Variants in CNIH3 observed in about 807,000 individuals in gnomAD.
The protein encoded by CNIH3 is cornichon family AMPA receptor auxiliary protein 3.
Under a neutral mutation model 24.1 loss-of-function variants are expected in CNIH3, and 14 were observed. That is an observed-to-expected ratio of 0.58 (90% CI 0.38 to 0.91). CNIH3 has a LOEUF of 0.91. Among genes scored for constraint, CNIH3 ranks in the 40% least tolerant of loss-of-function variants. CNIH3 has a pLI of 0.00. For synonymous variants in CNIH3, 68 were observed against 73.8 expected, an observed-to-expected ratio of 0.92 and a Z score of 0.40; for missense variants, 178 against 196.8, an observed-to-expected ratio of 0.90 and a Z score of 0.57.
intron 1 of CNIH3, among the ~76,000 whole-genome samples, chr1:224,657,579 T>A (rs1685158689): frequency 1.3e-5 from 2 of 152,166 alleles, no homozygotes; most frequent in Admixed American, 1.3e-4. Context: ...TAATAAAAAA[T>A]TATTTCAGTC....
chr1:224,619,857 T>C (rs1683197595), intron 1 of CNIH3, among the ~76,000 whole-genome samples: 1 of 152,242 alleles, frequency 6.6e-6, no homozygotes, highest in African/African-American at 2.4e-5. Context: ...GGCTGTAAGA[T>C]ATGAAGATGG....
chr1:224,495,190 C>T (rs924726636), intron 1 of CNIH3, among the ~76,000 whole-genome samples: 2 of 152,172 alleles, frequency 1.3e-5, no homozygotes, highest in Non-Finnish European at 2.9e-5. Context: ...CAATGAGCCT[C>T]CTCATGTAAG....
chr1:224,643,937 G>C (rs1377638445), intron 1 of CNIH3, among the ~76,000 whole-genome samples: 1 of 152,194 alleles, frequency 6.6e-6, no homozygotes, highest in Non-Finnish European at 1.5e-5. Context: ...GCTCAGACCA[G>C]TTGAGGCCAT....
At chr1:224,498,773 G>T (rs1677537805) in intron 1 of CNIH3, among the ~76,000 whole-genome samples, 1 of 152,240 alleles carries the variant, frequency 6.6e-6, no homozygotes, top group Non-Finnish European at 1.5e-5. Flanking sequence ...GATGCGGGGG[G>T]CAAGGAACCT....
intron 5 of CNIH3, among the ~76,000 whole-genome samples, chr1:224,584,433 G>A (rs564606304): frequency 1.3e-5 from 2 of 152,232 alleles, no homozygotes; most frequent in Admixed American, 6.5e-5. Flanking sequence ...TTTGTTTGGG[G>A]GCTAGAAAAA....
chr1:224,654,341 C>T (rs1685001294), intron 1 of CNIH3, among the ~76,000 whole-genome samples: 1 of 152,158 alleles, frequency 6.6e-6, no homozygotes, highest in South Asian at 2.1e-4. Context: ...AAGGTCACAC[C>T]ACTGCACTCC....
At chr1:224,736,066 C>G (rs1689576666) in intron 5 of CNIH3, among the ~76,000 whole-genome samples, 1 of 152,116 alleles carries the variant, frequency 6.6e-6, no homozygotes, top group Non-Finnish European at 1.5e-5. Flanking sequence ...TCCTGAATTC[C>G]AGCTATTAGT....
At chr1:224,603,587 TCTGAGTG>T (rs1381555366) in intron 3 of CNIH3, among the ~76,000 whole-genome samples, 7 of 152,212 alleles carry the variant, frequency 4.6e-5, no homozygotes, top group African/African-American at 1.7e-4. Flanking sequence ...AACAGTGAAC[TCTGAGTG>T]CCATTTGCAT....
intron 3 of CNIH3, among the ~76,000 whole-genome samples, chr1:224,723,526 C>A (rs1215353596): frequency 6.6e-6 from 1 of 152,166 alleles, no homozygotes; most frequent in Non-Finnish European, 1.5e-5. Flanking sequence ...GGAGAGAAAG[C>A]CCCTCTGGGG....
intron 1 of CNIH3, among the ~76,000 whole-genome samples, chr1:224,476,538 C>T (rs1052526278): frequency 2.6e-5 from 4 of 152,154 alleles, no homozygotes; most frequent in South Asian, 2.1e-4. Flanking sequence ...GCACTGGCAG[C>T]GAGCTGCACT....
intron 5 of CNIH3, 114 bp from the exon 6 acceptor site, chr1:224,739,215 C>T: frequency 6.6e-7 from 1 of 1,508,312 alleles, no homozygotes; most frequent in Non-Finnish European, 8.8e-7. Flanking sequence ...AGGGAGAAGC[C>T]AAGGGGTCTG....
chr1:224,666,242 C>G (rs1296413153), intron 1 of CNIH3, among the ~76,000 whole-genome samples: 37 of 152,244 alleles, frequency 2.4e-4, no homozygotes, highest in Non-Finnish European at 1.5e-5. Flanking sequence ...ATGGACCTTT[C>G]TCTGAGCATG....
chr1:224,726,186 A>G (rs1689015859), intron 3 of CNIH3, among the ~76,000 whole-genome samples: 1 of 152,238 alleles, frequency 6.6e-6, no homozygotes, highest in Non-Finnish European at 1.5e-5. Context: ...AGGTTCTTGC[A>G]CCAGCCTGGA....
At chr1:224,483,312 TG>T (rs1307093409) in intron 1 of CNIH3, among the ~76,000 whole-genome samples, 1 of 152,058 alleles carries the variant, frequency 6.6e-6, no homozygotes, top group Non-Finnish European at 1.5e-5. Flanking sequence ...ATTGCAGCAC[TG>T]CACTCCAGTC....
chr1:224,727,873 G>A (rs1289258022), intron 3 of CNIH3, among the ~76,000 whole-genome samples: 1 of 152,126 alleles, frequency 6.6e-6, no homozygotes, highest in Non-Finnish European at 1.5e-5. Context: ...CACCTGAAAT[G>A]GCAGAATAAA....
At chr1:224,486,839 G>C (rs1677049885) in intron 1 of CNIH3, among the ~76,000 whole-genome samples, 1 of 152,224 alleles carries the variant, frequency 6.6e-6, no homozygotes, top group South Asian at 2.1e-4. Context: ...CTGATGCACA[G>C]TACTAACGCA....
intron 2 of CNIH3, among the ~76,000 whole-genome samples, chr1:224,525,169 T>G (rs1195133141): frequency 6.6e-6 from 1 of 152,220 alleles, no homozygotes; most frequent in Non-Finnish European, 1.5e-5. Flanking sequence ...TGAGATCACA[T>G]GAGTTGGGTT....
chr1:224,651,534 C>T (rs1209200629), intron 1 of CNIH3, among the ~76,000 whole-genome samples: 1 of 152,174 alleles, frequency 6.6e-6, no homozygotes, highest in Non-Finnish European at 1.5e-5. Context: ...GTATATCCTT[C>T]ATTTGTTTCT....
rs1025322033 is a variant in CNIH3, at chr1:224,446,866, T to C, written n.203+12004T>C. Among the ~76,000 whole-genome samples the C allele has an allele frequency of 2.0e-5, 3 of 152,192 alleles. No homozygotes were observed. The South Asian group carries it at 6.2e-4, about 32-fold the overall frequency. On this transcript the variant is annotated intron_variant and non_coding_transcript_variant, in intron 1 of 5. Coordinates refer to the CNIH3 transcript ENST00000471578. The stretch of plus-strand genomic sequence containing the variant: ...CATCCTAAGGGAGCTGGAGCCAGAC[T>C]GGACCCAGCTGAGCCCGTAACAAAA...
Sources: allele counts gnomAD v4.1 joint callset (sites outside exome capture counted in the v4.1 genomes callset), GRCh38; gene constraint gnomAD v4.1.1; transcripts MANE v1.5; gene names NCBI Gene and HGNC (gene_info 2026-07-23, HGNC 2026-07-21).